RBFOX1: variants seen among roughly 807,000 people sequenced by gnomAD.
RBFOX1 encodes RNA binding fox-1 homolog 1.
A neutral mutation model predicts 57.7 loss-of-function variants in RBFOX1; 8 were observed. That is an observed-to-expected ratio of 0.14 (90% confidence interval 0.08 to 0.25). RBFOX1 has a LOEUF of 0.25. RBFOX1 is among the 10% of genes least tolerant of loss of function. The pLI, the probability that RBFOX1 is intolerant of heterozygous loss-of-function variation, is 1.00. For synonymous variants in RBFOX1, 326 were observed against 222.4 expected (o/e 1.47, Z -4.15); for missense variants, 611 against 548.5 (o/e 1.11, Z -1.14).
Position 7,223,712 on chromosome 16 carries a change from GAA to G in RBFOX1, c.27+171632_27+171633del, listed in dbSNP as rs71147673. 5.3e-4 allele frequency among the ~76,000 whole-genome samples: 69 copies of G among 130,476 alleles called. 1 individual carries two copies. The highest frequency in any genetic ancestry group is 1.5e-3 in the African/African-American group (54 of 36,794). 85.6% of individuals were successfully genotyped at this position (130,476 alleles called of 152,430 possible). A position where few individuals can be genotyped will look rare whatever the true frequency, so the allele number is the denominator to read the frequency against. ...CCCACTATATGCCGTCAGTGTTTCA[GAA>G]AAAAAAAAAAAAAAAAAGAAAAAGA... On this transcript the variant is annotated intron_variant, in intron 4 of 15. Transcript: ENST00000550418.
At chr16:7,161,138 T>G (rs189655634) in intron 4 of RBFOX1, among the ~76,000 whole-genome samples, 1 of 152,252 alleles carries the variant, frequency 6.6e-6, no homozygotes, top group East Asian at 1.9e-4. Flanking sequence ...GATTACAAAA[T>G]AATTTTATAC....
intron 1 of RBFOX1, among the ~76,000 whole-genome samples, chr16:6,131,544 C>A (rs984677664): frequency 4.6e-5 from 7 of 152,180 alleles, no homozygotes; most frequent in African/African-American, 1.7e-4. Flanking sequence ...CAGAGGGAAG[C>A]ATCTCCAATC....
chr16:6,590,573 T>C (rs1000754432), intron 2 of RBFOX1, among the ~76,000 whole-genome samples: 24 of 152,230 alleles, frequency 1.6e-4, no homozygotes, highest in Admixed American at 5.2e-4. Flanking sequence ...GTGAGAGTTC[T>C]ACAGGATTAT....
chr16:6,780,892 T>A (rs569820897), intron 3 of RBFOX1, among the ~76,000 whole-genome samples: 1 of 152,062 alleles, frequency 6.6e-6, no homozygotes, highest in African/African-American at 2.4e-5. Flanking sequence ...TTCTGGCAGT[T>A]ATTCTCTTGT....
At chr16:6,151,437 C>T (rs1357774151) in intron 1 of RBFOX1, among the ~76,000 whole-genome samples, 2 of 152,106 alleles carry the variant, frequency 1.3e-5, no homozygotes, top group African/African-American at 2.4e-5. Context: ...AGGCGCGCTT[C>T]ACCACACCCG....
In RBFOX1 at chr16:5,462,452, G is replaced by T. The variant is rs576013181; in HGVS notation, c.220-4764G>T. Among the ~76,000 whole-genome samples, 4 of 152,218 alleles carry T rather than the reference G, an allele frequency of 2.6e-5. No homozygotes were observed. The South Asian group carries it at 6.2e-4, about 24-fold the overall frequency. The stretch of plus-strand genomic sequence containing the variant: ...CAAAGTGCTGGGATTACAGGCGTGA[G>T]CCACCGCGCCCGGCCGAAACCCAGT... On this transcript the variant is annotated intron_variant, in intron 1 of 2. Coordinates refer to the RBFOX1 transcript ENST00000585867.
At chr16:6,598,431 T>C (rs528894811) in intron 2 of RBFOX1, among the ~76,000 whole-genome samples, 1 of 152,320 alleles carries the variant, frequency 6.6e-6, no homozygotes, top group Admixed American at 6.5e-5. Context: ...TAACCAGTGT[T>C]ATAAAACTAA....
intron 4 of RBFOX1, among the ~76,000 whole-genome samples, chr16:7,251,579 C>T (rs1360333053): frequency 6.6e-6 from 1 of 151,886 alleles, no homozygotes; most frequent in African/African-American, 2.4e-5. Context: ...GCCATCAAGC[C>T]CAGCTAATTT....
intron 4 of RBFOX1, among the ~76,000 whole-genome samples, chr16:5,972,005 T>A (rs1341049154): frequency 2.0e-5 from 3 of 152,210 alleles, no homozygotes; most frequent in Non-Finnish European, 4.4e-5. Context: ...AACTGGGACG[T>A]GTGCTTCTTC....
chr16:6,786,090 G>C (rs919498546), intron 3 of RBFOX1, among the ~76,000 whole-genome samples: 1 of 152,210 alleles, frequency 6.6e-6, no homozygotes, highest in Admixed American at 6.5e-5. Flanking sequence ...TCAGGGCCTG[G>C]AGTGGGCTTT....
intron 4 of RBFOX1, among the ~76,000 whole-genome samples, chr16:7,314,137 G>C (rs2096384471): frequency 6.6e-6 from 1 of 152,118 alleles, no homozygotes; most frequent in Admixed American, 6.5e-5. Context: ...GAAAGAACGA[G>C]GCTGTGAGAA....
intron 1 of RBFOX1, among the ~76,000 whole-genome samples, chr16:5,340,292 G>A (rs561891382): frequency 6.6e-6 from 1 of 152,160 alleles, no homozygotes; most frequent in African/African-American, 2.4e-5. Context: ...GGAGGAATTT[G>A]GACCAGGTTT....
chr16:5,874,002 A>AG (rs2151907455), intron 4 of RBFOX1, among the ~76,000 whole-genome samples: 1 of 152,360 alleles, frequency 6.6e-6, no homozygotes, highest in African/African-American at 2.4e-5. Flanking sequence ...TGTAATCAGA[A>AG]GGAACACAGA....
chr16:7,284,758 C>T (rs938154050), intron 4 of RBFOX1, among the ~76,000 whole-genome samples: 6 of 152,196 alleles, frequency 3.9e-5, no homozygotes, highest in African/African-American at 9.7e-5. Flanking sequence ...TACTGGATTG[C>T]AGCAGAATTA....
At chr16:7,486,156 T>A (rs1418903753) in intron 4 of RBFOX1, among the ~76,000 whole-genome samples, 2 of 137,506 alleles carry the variant, frequency 1.5e-5, no homozygotes, top group African/African-American at 2.7e-5. Context: ...GGAGTCTTGC[T>A]TTGTTGGCCA....
At chr16:7,437,037 C>T (rs1018887246) in intron 4 of RBFOX1, among the ~76,000 whole-genome samples, 26 of 152,164 alleles carry the variant, frequency 1.7e-4, no homozygotes, top group African/African-American at 6.0e-4. Context: ...GCCAAGATCA[C>T]ACCACTGCAC....
At chr16:5,942,560 C>A (rs927602649) in intron 4 of RBFOX1, among the ~76,000 whole-genome samples, 1 of 152,138 alleles carries the variant, frequency 6.6e-6, no homozygotes, top group Non-Finnish European at 1.5e-5. Context: ...TTTAATTATG[C>A]CTACCTCTTA....
At chr16:5,847,751 C>T (rs1221132484) in intron 3 of RBFOX1, among the ~76,000 whole-genome samples, 1 of 152,076 alleles carries the variant, frequency 6.6e-6, no homozygotes, top group African/African-American at 2.4e-5. Context: ...CTCACTCTCT[C>T]GGTCCGTGCA....
chr16:5,593,818 T>G (rs1367548702), intron 2 of RBFOX1, among the ~76,000 whole-genome samples: 1 of 152,238 alleles, frequency 6.6e-6, no homozygotes, highest in Non-Finnish European at 1.5e-5. Context: ...TGCTTTACTG[T>G]GGAGTCGCCC....
Sources: allele counts gnomAD v4.1 joint callset (sites outside exome capture counted in the v4.1 genomes callset), GRCh38; gene constraint gnomAD v4.1.1; transcripts MANE v1.5; gene names NCBI Gene and HGNC (gene_info 2026-07-23, HGNC 2026-07-21).